The following DNAAF19 variants were observed in gnomAD, a reference collection of about 807,000 sequenced individuals.
DNAAF19 encodes the protein coiled-coil domain containing 103.
chr17:44,903,689 C>T, the DNAAF19 span: 1 of 1,437,778 alleles, frequency 7.0e-7, no homozygotes, highest in Non-Finnish European at 9.1e-7. Context: ...GCGGCTTCCT[C>T]TGCAGATTGT....
At chr17:44,904,810 C>A in the DNAAF19 span, 2 of 1,550,572 alleles carry the variant, frequency 1.3e-6, no homozygotes, top group Non-Finnish European at 1.7e-6. Context: ...TTGACCACGG[C>A]AACCAGCTCC....
the DNAAF19 span, chr17:44,903,786 G>T: frequency 6.6e-7 from 1 of 1,514,944 alleles, no homozygotes. Flanking sequence ...AGCCTTTAAT[G>T]CCCTGGTTTT....
chr17:44,901,912 A>G, the DNAAF19 span, among the ~76,000 whole-genome samples: 1 of 152,036 alleles, frequency 6.6e-6, no homozygotes, highest in Non-Finnish European at 1.5e-5. Flanking sequence ...TAGTCCTTTG[A>G]CTTTCATTCT....
chr17:44,905,299 A>G, the DNAAF19 span: 1 of 555,590 alleles, frequency 1.8e-6, no homozygotes, highest in Non-Finnish European at 3.3e-6. Flanking sequence ...GAAGTAGGGC[A>G]CATGTGTTTC....
chr17:44,902,018 C>G, the DNAAF19 span, among the ~76,000 whole-genome samples: 1 of 152,132 alleles, frequency 6.6e-6, no homozygotes, highest in Non-Finnish European at 1.5e-5. Context: ...CATTCAGATC[C>G]TTGAGTTCCT....
the DNAAF19 span, chr17:44,905,286 A>G: frequency 3.5e-6 from 2 of 579,238 alleles, no homozygotes; most frequent in East Asian, 5.9e-5. Context: ...TGAGCTCAGG[A>G]TGGAAGTAGG....
At chr17:44,901,729 T>C in the DNAAF19 span, 3 of 1,525,580 alleles carry the variant, frequency 2.0e-6, no homozygotes, top group Non-Finnish European at 2.7e-6. Flanking sequence ...CATTTTGTTT[T>C]GTTTTGTTTT....
At chr17:44,901,091 T>C in the DNAAF19 span, 1 of 1,605,212 alleles carries the variant, frequency 6.2e-7, no homozygotes, top group Non-Finnish European at 8.5e-7. Flanking sequence ...GGGAGAATGC[T>C]GCCAAGTTAC....
the DNAAF19 span, chr17:44,902,733 G>T: frequency 6.2e-7 from 1 of 1,611,458 alleles, no homozygotes; most frequent in South Asian, 1.1e-5. Context: ...GCTGGGAGGA[G>T]CAGGGTCTGG....
chr17:44,901,527 G>T, the DNAAF19 span: 1 of 1,614,130 alleles, frequency 6.2e-7, no homozygotes, highest in Admixed American at 1.7e-5. Context: ...CAGGGGTATT[G>T]TCCTTGCATC....
chr17:44,904,711 A>G, the DNAAF19 span: 1 of 1,550,608 alleles, frequency 6.4e-7, no homozygotes, highest in Non-Finnish European at 8.7e-7. Context: ...GGGCCCGGCC[A>G]GAGCATGCAG....
At chr17:44,900,497 A>C in the DNAAF19 span, among the ~76,000 whole-genome samples, 1 of 151,836 alleles carries the variant, frequency 6.6e-6, no homozygotes, top group Non-Finnish European at 1.5e-5. Flanking sequence ...CAGTCATTGC[A>C]TCTGGTTTGG....
chr17:44,901,408 A>G, the DNAAF19 span: 2 of 1,265,804 alleles, frequency 1.6e-6, no homozygotes, highest in Non-Finnish European at 2.2e-6. Flanking sequence ...TGTTATTATT[A>G]TGGTCATATT....
At chr17:44,901,651 C>T in the DNAAF19 span, 234 of 1,614,056 alleles carry the variant, frequency 1.4e-4, no homozygotes, top group African/African-American at 1.8e-3. Flanking sequence ...GAAATCTCCC[C>T]GGTAGGTGAG....
the DNAAF19 span, chr17:44,903,701 G>A: frequency 1.4e-6 from 2 of 1,439,392 alleles, no homozygotes; most frequent in East Asian, 2.5e-5. Flanking sequence ...GCAGATTGTT[G>A]CTGCTTTTCC....
the DNAAF19 span, chr17:44,903,066 C>T: frequency 7.3e-7 from 1 of 1,376,102 alleles, no homozygotes; most frequent in Non-Finnish European, 9.4e-7. Flanking sequence ...TGTTTCCCAC[C>T]CTTAGAGTCT....
the DNAAF19 span, chr17:44,901,797 G>A: frequency 5.7e-5 from 56 of 984,320 alleles, no homozygotes; most frequent in Middle Eastern, 3.4e-4. Flanking sequence ...ACAGAGATAG[G>A]TTTCTGCCTC....
At chr17:44,901,092 G>A in the DNAAF19 span, 2 of 1,605,060 alleles carry the variant, frequency 1.2e-6, no homozygotes, top group Non-Finnish European at 1.7e-6. Context: ...GGAGAATGCT[G>A]CCAAGTTACG....
chr17:44,903,625 G>GA, the DNAAF19 span: 1 of 1,430,462 alleles, frequency 7.0e-7, no homozygotes, highest in Non-Finnish European at 9.1e-7. Flanking sequence ...ATCAGGTCTG[G>GA]AATGTTAGAA....
Sources: gnomAD v4.1 joint callset for allele counts (sites outside exome capture counted in the v4.1 genomes callset) on GRCh38, gnomAD v4.1.1 for gene constraint, MANE v1.5 for transcripts, NCBI Gene and HGNC (gene_info 2026-07-23, HGNC 2026-07-21) for gene names.